The following DNAH9 variants were observed in gnomAD, a reference collection of about 807,000 sequenced individuals.
DNAH9 encodes the protein dynein axonemal heavy chain 9.
Under a neutral mutation model 471.6 loss-of-function variants are expected in DNAH9, and 345 were observed. That is an observed-to-expected ratio of 0.73 (90% CI 0.67 to 0.80). DNAH9 has a LOEUF of 0.80. Among genes scored for constraint, DNAH9 ranks in the 30% least tolerant of loss-of-function variants. The pLI, the probability that DNAH9 is intolerant of heterozygous loss-of-function variation, is 0.00. For missense variants in DNAH9, 5,407 were observed against 5,609.2 expected (o/e 0.96, Z 1.15); for synonymous variants, 2,093 against 2,123.6 (o/e 0.99, Z 0.40).
intron 4 of DNAH9, among the ~76,000 whole-genome samples, chr17:11,616,486 T>C (rs962568753): frequency 6.6e-6 from 1 of 152,184 alleles, no homozygotes; most frequent in African/African-American, 2.4e-5. Context: ...GCATTCCCTC[T>C]AAGTTGCTAC....
At chr17:11,851,703 G>A (rs568916369) in intron 49 of DNAH9, among the ~76,000 whole-genome samples, 1 of 152,250 alleles carries the variant, frequency 6.6e-6, no homozygotes, top group South Asian at 2.1e-4. Context: ...CATTGAGAAT[G>A]GGATTCCACT....
In DNAH9 at chr17:11,937,288, C is replaced by A; in HGVS notation, c.12490-64C>A. 6.5e-7 allele frequency: 1 copy of A among 1,545,234 alleles called. No individual in the cohort carries two copies. Among genetic ancestry groups the A allele is most frequent in the Non-Finnish European group, 8.8e-7 (1 of 1,141,018 alleles). ...CCATGGACTCCCTGCAGAGGACAAG[C>A]CGGTGTGGGAGATGGGAGGTACGTC... On this transcript the variant is annotated intron_variant, in intron 65 of 68. Coordinates refer to ENST00000262442, the MANE Select transcript of DNAH9 (RefSeq NM_001372.4). The surrounding 1 kb of genome is among the most constrained non-coding windows in gnomAD (Gnocchi z 4.1).
At chr17:11,959,680 T>C (rs1170426680) in intron 67 of DNAH9, among the ~76,000 whole-genome samples, 1 of 152,226 alleles carries the variant, frequency 6.6e-6, no homozygotes, top group African/African-American at 2.4e-5. Flanking sequence ...TCGGGTTTGG[T>C]TGAAAGTGAT....
rs758478327 is a variant in DNAH9 at position 11,962,165 on chromosome 17, C to T, written c.13142C>T (p.Thr4381Met). 3.6e-5 allele frequency: 58 copies of T among 1,614,062 alleles called. No homozygotes were observed. The highest frequency in any genetic ancestry group is 2.5e-4 in the East Asian group (11 of 44,864). ...LDQMALQCDM[T>M]KKNREEFRSP... Reference sequence around the variant, plus strand: ...CAGATGGCCCTGCAATGTGACATGACGAAGAAGAACAGAGAAGAGTTTAGG... The same window carrying T: ...CAGATGGCCCTGCAATGTGACATGATGAAGAAGAACAGAGAAGAGTTTAGG... The change falls in exon 68 of 69, where the codon ACG becomes ATG. Residue 4381 changes from threonine to methionine, a missense_variant. This residue lies in a region of DNAH9 where 4,636 missense variants were observed against 4,900.3 expected (regional missense o/e 0.95). Transcript: ENST00000262442. This position sits in a 1 kb window ranked among gnomAD's most constrained non-coding sequence, Gnocchi z 4.1.
At chr17:11,707,850 T>G (rs143831443) in intron 26 of DNAH9, among the ~76,000 whole-genome samples, 2 of 152,152 alleles carry the variant, frequency 1.3e-5, no homozygotes, top group African/African-American at 2.4e-5. Flanking sequence ...CTGCCTGCAA[T>G]GCCATTCTCA....
At chr17:11,739,950 T>C (rs1371223546) in intron 29 of DNAH9, among the ~76,000 whole-genome samples, 2 of 152,170 alleles carry the variant, frequency 1.3e-5, no homozygotes, top group South Asian at 2.1e-4. Flanking sequence ...TCCGGAGAGG[T>C]TGTCAACACT....
At chr17:11,722,141 T>C (rs2075070370) in intron 27 of DNAH9, among the ~76,000 whole-genome samples, 1 of 152,042 alleles carries the variant, frequency 6.6e-6, no homozygotes, top group African/African-American at 2.4e-5. Context: ...CCAGGGGAGA[T>C]TTCGATGTGT....
rs1966951070 is a variant in DNAH9, at chr17:11,747,699, T to C, written c.6543T>C (p.Asn2181=). 2 of 1,613,920 alleles carry C rather than the reference T, an allele frequency of 1.2e-6. No individual in the cohort carries two copies. The highest frequency in any genetic ancestry group is 2.2e-5 in the South Asian group (2 of 91,078). ...GGCGCCCCGTCTGGACTGACCTCAATCCCAAAGCAGTCACAAATGATGAGC... is the reference window on the plus strand; with the variant it reads ...GGCGCCCCGTCTGGACTGACCTCAACCCCAAAGCAGTCACAAATGATGAGC... The part of the protein sequence containing the change: ...MKRRPVWTDL[N]PKAVTNDELF... The change falls in exon 32 of 69, where the codon AAT becomes AAC. Residue 2181 remains asparagine, a synonymous_variant. Transcript: ENST00000262442.
intron 11 of DNAH9, among the ~76,000 whole-genome samples, chr17:11,645,712 C>T (rs1221475530): frequency 6.6e-6 from 1 of 152,014 alleles, no homozygotes; most frequent in Non-Finnish European, 1.5e-5. Context: ...ACCAGGAATG[C>T]TCACTCTCCC....
chr17:11,891,420 C>T (rs1479862189), intron 57 of DNAH9, among the ~76,000 whole-genome samples: 2 of 152,162 alleles, frequency 1.3e-5, no homozygotes, highest in South Asian at 2.1e-4. Flanking sequence ...GCCTGGAATG[C>T]AGTGGCACCA....
Position 11,822,618 on chromosome 17 carries a change from C to T in DNAH9, c.9012+19C>T, listed in dbSNP as rs758620490. 1.0e-4 allele frequency: 164 copies of T among 1,613,396 alleles called. 3 individuals carry two copies. The South Asian group carries it at 1.7e-3, about 17-fold the overall frequency. On this transcript the variant is annotated intron_variant, in intron 47 of 68. Transcript: ENST00000262442. ...CATTGAGGTGAGAGAGAAAAGGAGA[C>T]ACTCCTAAAAGTCCTTCCCAGATGA...
intron 1 of DNAH9, among the ~76,000 whole-genome samples, chr17:11,604,817 C>T (rs1018313878): frequency 4.3e-4 from 65 of 152,178 alleles, no homozygotes; most frequent in African/African-American, 1.5e-3. Context: ...CTGTGCCACA[C>T]CACCGTCTTC....
chr17:11,836,683 T>G lies in DNAH9; in HGVS notation c.9507+1785T>G, dbSNP rs147460506. On this transcript the variant is annotated intron_variant, in intron 49 of 68. Transcript: ENST00000262442. ...CTCATTTAGGGTCCCTCTCCATTCA[T>G]TCCGTCTAAATCTTACCCAAATTGC... is the stretch of plus-strand genomic sequence containing the variant. Among the ~76,000 whole-genome samples, 355 of 152,288 alleles carry G rather than the reference T, an allele frequency of 2.3e-3. 4 individuals carry two copies. Among genetic ancestry groups the G allele is most frequent in the African/African-American group, 8.0e-3 (331 of 41,564 alleles).
At chr17:11,668,358 T>C (rs1418807811) in intron 15 of DNAH9, among the ~76,000 whole-genome samples, 1 of 152,122 alleles carries the variant, frequency 6.6e-6, no homozygotes, top group Admixed American at 6.5e-5. Flanking sequence ...TTCCAAGAAA[T>C]GGGCTTTGAA....
chr17:11,688,827 G>T (rs1474299337), intron 19 of DNAH9, among the ~76,000 whole-genome samples: 1 of 152,172 alleles, frequency 6.6e-6, no homozygotes, highest in Non-Finnish European at 1.5e-5. Context: ...GCCAGGCTTG[G>T]TGGCTTGTGC....
intron 50 of DNAH9, 70 bp downstream of exon 50, chr17:11,854,498 C>G: frequency 6.8e-7 from 1 of 1,471,018 alleles, no homozygotes. Context: ...CAGACACCAT[C>G]TAACACCTAA....
At chr17:11,939,384 C>T (rs1324510816) in intron 66 of DNAH9, among the ~76,000 whole-genome samples, 1 of 152,184 alleles carries the variant, frequency 6.6e-6, no homozygotes. Context: ...ATCCCCTCCC[C>T]CAGCTAACCC....
chr17:11,920,704 T>C (rs1267502004), intron 61 of DNAH9, among the ~76,000 whole-genome samples: 1 of 151,102 alleles, frequency 6.6e-6, no homozygotes, highest in Non-Finnish European at 1.5e-5. Context: ...CATAGTGACA[T>C]TAGAGTTTAC....
intron 1 of DNAH9, among the ~76,000 whole-genome samples, chr17:11,605,217 T>C (rs1189042557): frequency 4.6e-5 from 7 of 152,150 alleles, no homozygotes; most frequent in Admixed American, 1.3e-4. Flanking sequence ...TCAAATCTTA[T>C]CTTCTCAGTC....
Sources: gnomAD v4.1 joint callset for allele counts (sites outside exome capture counted in the v4.1 genomes callset) on GRCh38, gnomAD v4.1.1 for gene constraint, gnomAD v4.1.1 regional missense constraint, Gnocchi (gnomAD v3.1) non-coding constraint, MANE v1.5 for transcripts, NCBI Gene and HGNC (gene_info 2026-07-23, HGNC 2026-07-21) for gene names.